The following GALNT13 variants were observed in gnomAD, a reference collection of about 807,000 sequenced individuals.
GALNT13 encodes UDP-GalNAc:polypeptide N-acetylgalactosaminyltransferase 13.
In GALNT13, 28 loss-of-function variants were observed where a neutral mutation model predicts 64.2. That is an observed-to-expected ratio of 0.44 (90% confidence interval 0.32 to 0.60). The LOEUF (loss-of-function observed/expected upper bound fraction) is 0.60. GALNT13 is among the 20% of genes least tolerant of loss of function. The pLI, the probability that GALNT13 is intolerant of heterozygous loss-of-function variation, is 0.05. For synonymous variants in GALNT13, 214 were observed against 224.6 expected (o/e 0.95, Z 0.42); for missense variants, 577 against 669.8 (o/e 0.86, Z 1.53).
At chr2:153,205,011 A>T in the GALNT13 span, among the ~76,000 whole-genome samples, 3 of 152,182 alleles carry the variant, frequency 2.0e-5, no homozygotes, top group African/African-American at 7.2e-5. Flanking sequence ...TCTTGAAGCA[A>T]AGACTTTTTG....
Position 153,944,418 on chromosome 2 carries a change from G to T in GALNT13, c.-80G>T, listed in dbSNP as rs1057117891. The T allele has an allele frequency of 1.6e-6, 2 of 1,278,758 alleles. No homozygotes were observed. Among genetic ancestry groups the T allele is most frequent in the Non-Finnish European group, 2.2e-6 (2 of 908,966 alleles). The allele number at this position is 1,278,758 out of a possible 1,614,324, so 79.2% of individuals were successfully genotyped here. On this transcript the variant is annotated 5_prime_UTR_variant, in exon 3 of 13. Transcript: ENST00000392825. ...GTGGAATGTATCCTGCTTTCATCTTGGAGTTCACCTGTGTGGCTTGGATTT... is the reference window on the plus strand; with the variant it reads ...GTGGAATGTATCCTGCTTTCATCTTTGAGTTCACCTGTGTGGCTTGGATTT...
the GALNT13 span, among the ~76,000 whole-genome samples, chr2:153,510,576 G>A: frequency 1.3e-5 from 2 of 152,066 alleles, no homozygotes; most frequent in East Asian, 1.9e-4. Flanking sequence ...TCAGCCTGGC[G>A]GCACATTAGA....
At chr2:154,023,975 A>T (rs534862816) in intron 3 of GALNT13, among the ~76,000 whole-genome samples, 8 of 152,242 alleles carry the variant, frequency 5.3e-5, no homozygotes, top group African/African-American at 1.9e-4. Context: ...GCTGGATATG[A>T]GATTCTGGGT....
intron 2 of GALNT13, among the ~76,000 whole-genome samples, chr2:153,921,264 C>T (rs1227517913): frequency 6.6e-6 from 1 of 152,046 alleles, no homozygotes; most frequent in Non-Finnish European, 1.5e-5. Context: ...AAATATGGAA[C>T]ATATACACCA....
chr2:154,054,216 G>A (rs1699786961), intron 3 of GALNT13, among the ~76,000 whole-genome samples: 1 of 151,856 alleles, frequency 6.6e-6, no homozygotes, highest in Non-Finnish European at 1.5e-5. Flanking sequence ...TATGATACAG[G>A]TTCACTTCTT....
At chr2:153,769,917 G>T in the GALNT13 span, among the ~76,000 whole-genome samples, 1 of 152,110 alleles carries the variant, frequency 6.6e-6, no homozygotes, top group African/African-American at 2.4e-5. Flanking sequence ...ATTTCTAGGA[G>T]TTCTGTTTAG....
chr2:154,053,382 CT>C (rs56954157), intron 3 of GALNT13, among the ~76,000 whole-genome samples: 10,057 of 149,980 alleles, frequency 0.067, 438 homozygotes, highest in Middle Eastern at 0.14. Context: ...CTTCACTTAA[CT>C]TTTTTTTTTC....
At chr2:154,208,413 T>C (rs2105794188) in intron 4 of GALNT13, among the ~76,000 whole-genome samples, 1 of 152,314 alleles carries the variant, frequency 6.6e-6, no homozygotes, top group East Asian at 1.9e-4. Context: ...ATATTGCTGC[T>C]AATATGTAAT....
chr2:153,858,367 AG>A, the GALNT13 span, among the ~76,000 whole-genome samples: 2 of 152,342 alleles, frequency 1.3e-5, no homozygotes, highest in Non-Finnish European at 2.9e-5. Flanking sequence ...GGAGGTGTTC[AG>A]GGTTTTAAGC....
At chr2:154,118,479 T>A (rs1681734822) in intron 3 of GALNT13, among the ~76,000 whole-genome samples, 1 of 152,078 alleles carries the variant, frequency 6.6e-6, no homozygotes, top group Admixed American at 6.5e-5. Context: ...AGTAACTCTA[T>A]TTCTTTTTGT....
intron 3 of GALNT13, among the ~76,000 whole-genome samples, chr2:153,948,063 A>G (rs1691900067): frequency 6.6e-6 from 1 of 152,024 alleles, no homozygotes; most frequent in Non-Finnish European, 1.5e-5. Context: ...TACCAGTGCC[A>G]TGCTGTTTTG....
chr2:153,266,566 G>A, the GALNT13 span, among the ~76,000 whole-genome samples: 3 of 68,512 alleles, frequency 4.4e-5, no homozygotes, highest in African/African-American at 1.6e-4. Context: ...TTCTTCACAA[G>A]GTGGCAGGAG....
the GALNT13 span, among the ~76,000 whole-genome samples, chr2:153,227,018 A>C: frequency 0.83 from 126,693 of 152,126 alleles, 53,956 homozygotes; most frequent in African/African-American, 0.91. Flanking sequence ...TGAAGGAGAG[A>C]GTGGGGCAAT....
chr2:154,111,035 G>C (rs58163297), intron 3 of GALNT13, among the ~76,000 whole-genome samples: 46,725 of 151,968 alleles, frequency 0.31, 9,513 homozygotes, highest in East Asian at 0.83. Flanking sequence ...AGATATTTTC[G>C]TAGTACAAGT....
chr2:153,700,623 T>G, the GALNT13 span, among the ~76,000 whole-genome samples: 1 of 152,162 alleles, frequency 6.6e-6, no homozygotes, highest in Non-Finnish European at 1.5e-5. Context: ...CTCCCTAAGC[T>G]GATAAGCAAC....
At chr2:154,182,171 C>T (rs1306988135) in intron 4 of GALNT13, among the ~76,000 whole-genome samples, 2 of 152,040 alleles carry the variant, frequency 1.3e-5, no homozygotes, top group African/African-American at 4.8e-5. Context: ...AACAAATGGC[C>T]CAACCCAGCA....
chr2:153,433,735 CAAAAG>C, the GALNT13 span, among the ~76,000 whole-genome samples: 1 of 152,034 alleles, frequency 6.6e-6, no homozygotes, highest in Non-Finnish European at 1.5e-5. Context: ...TTTTTACCCT[CAAAAG>C]AGAAGAGTTT....
chr2:153,497,912 G>A, the GALNT13 span, among the ~76,000 whole-genome samples: 1 of 152,184 alleles, frequency 6.6e-6, no homozygotes, highest in African/African-American at 2.4e-5. Flanking sequence ...ATTTGGAAAA[G>A]AAAGAGTCAA....
At chr2:153,329,448 G>T in the GALNT13 span, among the ~76,000 whole-genome samples, 2 of 152,048 alleles carry the variant, frequency 1.3e-5, no homozygotes, top group Non-Finnish European at 2.9e-5. Context: ...ATTGCTTTTT[G>T]ACTTTCTTAT....
Sources: gnomAD v4.1 joint callset for allele counts (sites outside exome capture counted in the v4.1 genomes callset) on GRCh38, gnomAD v4.1.1 for gene constraint, MANE v1.5 for transcripts, NCBI Gene and HGNC (gene_info 2026-07-23, HGNC 2026-07-21) for gene names.